DGKI: variants seen among roughly 807,000 people sequenced by gnomAD.
The protein encoded by DGKI is diacylglycerol kinase iota.
In DGKI, 55 loss-of-function variants were observed where a neutral mutation model predicts 147.5. The ratio of observed to expected loss-of-function variants is 0.37; its 90% confidence interval spans 0.30 to 0.47. DGKI has a LOEUF of 0.47. DGKI is among the 20% of genes least tolerant of loss of function. The probability of loss-of-function intolerance (pLI) is 1.00; values close to 1 mark genes in which losing one functional copy is unlikely to be tolerated. For missense variants in DGKI, 1,007 were observed against 1,323.8 expected (o/e 0.76, Z 3.71); for synonymous variants, 469 against 477.1 (o/e 0.98, Z 0.22).
At chr7:137,827,266 C>T (rs1403116024) in intron 1 of DGKI, among the ~76,000 whole-genome samples, 1 of 152,100 alleles carries the variant, frequency 6.6e-6, no homozygotes, top group South Asian at 2.1e-4. Flanking sequence ...CACTTATAGG[C>T]TCAAAAACCT....
Position 137,571,290 on chromosome 7 carries a change from CA to C in DGKI, c.1836-5del. ...GGGCATTGTGCCAGCACAATATCTG[CA>C]AGAGAAGATTAAAGACAGAAGTAAA... On this transcript the variant is annotated splice_polypyrimidine_tract_variant and splice_region_variant and intron_variant, in intron 18 of 32. Coordinates refer to ENST00000614521, the MANE Select transcript of DGKI (RefSeq NM_001321708.2). 6.2e-7 allele frequency: 1 copy of C among 1,603,142 alleles called. No individual in the cohort carries two copies. The highest frequency in any genetic ancestry group is 8.5e-7 in the Non-Finnish European group (1 of 1,172,574).
intron 28 of DGKI, among the ~76,000 whole-genome samples, chr7:137,432,849 G>A (rs1235602560): frequency 2.0e-5 from 3 of 152,176 alleles, no homozygotes; most frequent in East Asian, 1.9e-4. Flanking sequence ...TAAGGCCAAA[G>A]GGATGTAGTT....
intron 1 of DGKI, among the ~76,000 whole-genome samples, chr7:137,800,989 T>G (rs1468453979): frequency 1.3e-5 from 2 of 152,244 alleles, no homozygotes; most frequent in Non-Finnish European, 2.9e-5. Flanking sequence ...TTAGACAATA[T>G]TCATCCCAAA....
intron 1 of DGKI, among the ~76,000 whole-genome samples, chr7:137,836,974 G>A (rs1219530273): frequency 1.3e-5 from 2 of 152,086 alleles, no homozygotes; most frequent in Non-Finnish European, 2.9e-5. Flanking sequence ...TGAAAATATG[G>A]CTATTTGCAC....
chr7:137,399,906 C>T (rs1811687804), intron 30 of DGKI, among the ~76,000 whole-genome samples: 1 of 111,720 alleles, frequency 9.0e-6, no homozygotes, highest in South Asian at 3.5e-4. Flanking sequence ...CAGAGCAAGA[C>T]TTCTCAAAAA....
At chr7:137,796,486 C>A (rs1797035496) in intron 1 of DGKI, among the ~76,000 whole-genome samples, 1 of 149,090 alleles carries the variant, frequency 6.7e-6, no homozygotes. Flanking sequence ...GGTGACAGAG[C>A]AAAACTCCAT....
chr7:137,432,843 G>A (rs1394706943), intron 28 of DGKI, among the ~76,000 whole-genome samples: 1 of 152,138 alleles, frequency 6.6e-6, no homozygotes, highest in African/African-American at 2.4e-5. Flanking sequence ...CCCTGGTAAG[G>A]CCAAAGGGAT....
chr7:137,843,700 T>C (rs1178580557), intron 1 of DGKI, among the ~76,000 whole-genome samples: 1 of 151,414 alleles, frequency 6.6e-6, no homozygotes, highest in East Asian at 2.0e-4. Context: ...CCTCATTTAT[T>C]TTTAAACCCT....
intron 5 of DGKI, among the ~76,000 whole-genome samples, chr7:137,649,025 G>A (rs960695763): frequency 1.3e-5 from 2 of 152,106 alleles, no homozygotes; most frequent in Non-Finnish European, 2.9e-5. Context: ...ACAGCTCTGC[G>A]ATTTGAGATG....
intron 14 of DGKI, 131 bp from the exon 15 acceptor site, chr7:137,582,059 G>GGGTGC: frequency 1.8e-6 from 1 of 567,686 alleles, no homozygotes; most frequent in Non-Finnish European, 3.1e-6. Flanking sequence ...TCAAAGTGGA[G>GGGTGC]GGTGCTTATG....
At chr7:137,421,186 C>T (rs182075927) in intron 28 of DGKI, among the ~76,000 whole-genome samples, 5 of 152,306 alleles carry the variant, frequency 3.3e-5, no homozygotes, top group Non-Finnish European at 7.3e-5. Context: ...GCAGAGCACA[C>T]ATCTCACATG....
At chr7:137,476,938 G>GTA (rs1284976619) in intron 23 of DGKI, among the ~76,000 whole-genome samples, 5 of 152,176 alleles carry the variant, frequency 3.3e-5, no homozygotes, top group African/African-American at 4.8e-5. Flanking sequence ...GTGAGGTTTG[G>GTA]TATAGATCAA....
chr7:137,463,960 G>T (rs1814551750), intron 26 of DGKI, among the ~76,000 whole-genome samples: 1 of 152,142 alleles, frequency 6.6e-6, no homozygotes, highest in African/African-American at 2.4e-5. Flanking sequence ...GTTCAGGGGA[G>T]GCAACTGGTG....
intron 21 of DGKI, among the ~76,000 whole-genome samples, chr7:137,499,295 C>A (rs1001466325): frequency 6.6e-6 from 1 of 152,236 alleles, no homozygotes. Context: ...GCCTATTTTA[C>A]TACTAATATT....
At chr7:137,686,341 A>G (rs1224722406) in intron 2 of DGKI, among the ~76,000 whole-genome samples, 2 of 152,170 alleles carry the variant, frequency 1.3e-5, no homozygotes, top group Non-Finnish European at 2.9e-5. Flanking sequence ...CTGTCAATAG[A>G]AGACTCAGGC....
At chr7:137,608,663 G>A (rs1318727455) in intron 10 of DGKI, among the ~76,000 whole-genome samples, 2 of 152,082 alleles carry the variant, frequency 1.3e-5, no homozygotes, top group South Asian at 2.1e-4. Context: ...TGAAACATAC[G>A]AACTAAGAGA....
intron 1 of DGKI, chr7:137,843,365 T>C (rs1265211375): frequency 1.0e-6 from 1 of 966,822 alleles, no homozygotes; most frequent in Non-Finnish European, 1.2e-6. Context: ...AAAAACGAAG[T>C]AGTAATTTTA....
chr7:137,598,887 G>A lies in DGKI; in HGVS notation c.1250+936C>T, dbSNP rs1271555093. On this transcript the variant is annotated intron_variant, in intron 11 of 32. Coordinates refer to ENST00000614521, the MANE Select transcript of DGKI (RefSeq NM_001321708.2). ...AATAAATATATATATATGTATTATGGGACAGAGAGAGGAAGAATCTTGCAG... is the reference window on the plus strand; with the variant it reads ...AATAAATATATATATATGTATTATGAGACAGAGAGAGGAAGAATCTTGCAG... Among the ~76,000 whole-genome samples, 7 of 151,912 alleles carry A rather than the reference G, an allele frequency of 4.6e-5. No individual in the cohort carries two copies. In the East Asian group the frequency reaches 1.2e-3, roughly 25 times the overall value.
intron 27 of DGKI, among the ~76,000 whole-genome samples, chr7:137,452,310 G>C (rs7793852): frequency 0.46 from 70,337 of 152,008 alleles, 17,150 homozygotes; most frequent in Non-Finnish European, 0.51. Context: ...GACTATGGAT[G>C]GAGTAGAAGA....
Sources: allele counts gnomAD v4.1 joint callset (sites outside exome capture counted in the v4.1 genomes callset), GRCh38; gene constraint gnomAD v4.1.1; transcripts MANE v1.5; gene names NCBI Gene and HGNC (gene_info 2026-07-23, HGNC 2026-07-21).